Variants in TRPM6 observed in about 807,000 individuals in gnomAD.
TRPM6 encodes channel kinase 2.
In TRPM6, 111 loss-of-function variants were observed where a neutral mutation model predicts 247.6. The ratio of observed to expected loss-of-function variants is 0.45; its 90% confidence interval spans 0.38 to 0.52. The LOEUF is 0.52. Among genes scored for constraint, TRPM6 ranks in the 20% least tolerant of loss-of-function variants. TRPM6 has a pLI of 0.00. For missense variants in TRPM6, 2,126 were observed against 2,421.5 expected, an observed-to-expected ratio of 0.88 and a Z score of 2.56; for synonymous variants, 892 against 853.8, an observed-to-expected ratio of 1.04 and a Z score of -0.78.
intron 17 of TRPM6, 104 bp downstream of exon 17, chr9:74,800,150 A>T: frequency 9.4e-7 from 1 of 1,059,616 alleles, no homozygotes; most frequent in Non-Finnish European, 1.4e-6. Flanking sequence ...AAATATATTA[A>T]CTGGTTTTCC....
intron 6 of TRPM6, 106 bp from the exon 7 acceptor site, chr9:74,828,055 T>A: frequency 8.1e-7 from 1 of 1,227,370 alleles, no homozygotes; most frequent in Non-Finnish European, 1.2e-6. Context: ...CTGTCTAGTT[T>A]AAAAAGTACT....
At chr9:74,865,353 C>T (rs1034008341) in intron 1 of TRPM6, among the ~76,000 whole-genome samples, 4 of 152,168 alleles carry the variant, frequency 2.6e-5, no homozygotes, top group Non-Finnish European at 4.4e-5. Context: ...TTGTCACTCA[C>T]GCTTCAGGGT....
intron 1 of TRPM6, among the ~76,000 whole-genome samples, chr9:74,871,634 A>C (rs1040849352): frequency 1.3e-5 from 2 of 152,178 alleles, no homozygotes; most frequent in African/African-American, 2.4e-5. Flanking sequence ...ACCTGCAAGT[A>C]AAATTTCTAA....
chr9:74,841,290 C>T (rs1363587105), intron 4 of TRPM6, among the ~76,000 whole-genome samples: 2 of 152,130 alleles, frequency 1.3e-5, no homozygotes, highest in Non-Finnish European at 2.9e-5. Flanking sequence ...GCAGATCACT[C>T]AAAGGATATT....
chr9:74,762,440 C>T lies in TRPM6; in HGVS notation c.4231G>A (p.Ala1411Thr). 1.2e-6 allele frequency: 2 copies of T among 1,614,154 alleles called. No homozygotes were observed. Among genetic ancestry groups the T allele is most frequent in the South Asian group, 1.1e-5 (1 of 91,088 alleles). Residue 1411 changes from alanine to threonine, a missense_variant, in exon 26 of 39, where the codon GCT (alanine) becomes ACT (threonine). By Grantham distance (58) the Ala-to-Thr change is moderately conservative. Around this residue, in one of 3 missense-constraint regions of TRPM6, gnomAD observed 717 missense variants for 715.9 expected, o/e 1.00. Transcript: ENST00000360774. ...DEPKEKHEPI[A>T]HLLDGQDKAE... ...TTGTCTTGTCCATCCAGTAAGTGAG[C>T]AATAGGCTCGTGCTTTTCCTTGGGT...
chr9:74,878,098 A>T (rs1047377156), intron 1 of TRPM6, among the ~76,000 whole-genome samples: 3 of 152,044 alleles, frequency 2.0e-5, no homozygotes, highest in African/African-American at 7.2e-5. Context: ...GCTGGCACCC[A>T]CACGCACACC....
rs1027164656 is a variant in TRPM6, at chr9:74,816,951, T to C, written c.1148A>G (p.Asp383Gly). The change falls in exon 10 of 39, where the codon GAT (aspartate) becomes GGT (glycine). Residue 383 changes from aspartate to glycine, a missense_variant. Physicochemically the swap from Asp to Gly is moderately conservative, Grantham distance 94. This residue lies in a region of TRPM6 where 1,082 missense variants were observed against 1,307.9 expected (regional missense o/e 0.83). Transcript: ENST00000360774. ...MVHRDCITIF[D>G]ADSEEQQDLD... The stretch of plus-strand genomic sequence containing the variant: ...GTCTTGCTGCTCTTCAGAGTCAGCA[T>C]CAAATATGGTAATCTACAACAGTGA... The C allele has an allele frequency of 1.9e-6, 3 of 1,613,850 alleles. No homozygotes were observed. The highest frequency in any genetic ancestry group is 1.3e-5 in the African/African-American group (1 of 74,926).
chr9:74,812,364 T>G lies in TRPM6; in HGVS notation c.1378A>C (p.Ile460Leu), dbSNP rs1294518159. Residue 460 changes from isoleucine (I) to leucine (L), a missense_variant, in exon 12 of 39, where the codon ATA (isoleucine) becomes CTA (leucine). Physicochemically the swap from Ile to Leu is conservative, Grantham distance 5 (BLOSUM62 2). Transcript: ENST00000360774. ...MDRVDFVKLL[I>L]EYGVNLHRFL... ...CGATGGAGGTTCACTCCATATTCTA[T>G]TAAGAGCTTCACAAAATCCACCCGA... 6.2e-7 allele frequency: 1 copy of G among 1,614,054 alleles called. No individual in the cohort carries two copies. The highest frequency in any genetic ancestry group is 1.7e-5 in the Admixed American group (1 of 60,016).
chr9:74,802,762 A>G (rs1351251728), intron 15 of TRPM6, among the ~76,000 whole-genome samples: 1 of 152,140 alleles, frequency 6.6e-6, no homozygotes, highest in Non-Finnish European at 1.5e-5. Flanking sequence ...CTTTATTCTG[A>G]TTATATTTAT....
chr9:74,783,492 T>C (rs1265049390), intron 21 of TRPM6, among the ~76,000 whole-genome samples: 1 of 152,194 alleles, frequency 6.6e-6, no homozygotes, highest in Non-Finnish European at 1.5e-5. Flanking sequence ...CCAGAGCAGT[T>C]AAAAGCCATT....
chr9:74,837,397 T>C (rs1033772531), intron 5 of TRPM6, among the ~76,000 whole-genome samples: 1 of 152,174 alleles, frequency 6.6e-6, no homozygotes, highest in East Asian at 1.9e-4. Flanking sequence ...AGCCAGGCCA[T>C]AGAGGAGCTG....
At chr9:74,827,664 A>C (rs1829388189) in intron 7 of TRPM6, 114 bp downstream of exon 7, 1 of 1,097,352 alleles carries the variant, frequency 9.1e-7, no homozygotes, top group Non-Finnish European at 1.4e-6. Context: ...GAAGAGTATT[A>C]AGGAGGCTAG....
intron 7 of TRPM6, among the ~76,000 whole-genome samples, chr9:74,824,706 A>C (rs1239579535): frequency 6.6e-6 from 1 of 152,130 alleles, no homozygotes; most frequent in Non-Finnish European, 1.5e-5. Context: ...CAGACATTCC[A>C]GGAAAGAGCA....
chr9:74,771,052 A>G (rs1325893375), intron 25 of TRPM6, among the ~76,000 whole-genome samples: 1 of 151,956 alleles, frequency 6.6e-6, no homozygotes, highest in Non-Finnish European at 1.5e-5. Context: ...AGCACCCTCC[A>G]TCTACCTCCT....
At chr9:74,801,776 G>A in intron 16 of TRPM6, 122 bp downstream of exon 16, 1 of 1,217,002 alleles carries the variant, frequency 8.2e-7, no homozygotes, top group Non-Finnish European at 1.2e-6. Flanking sequence ...TAACAGGAGA[G>A]TCCATAAAAT....
At position 74,827,965 on chromosome 9, in the gene TRPM6, G is replaced by A; in HGVS notation, c.670-16C>T. 6.2e-7 allele frequency: 1 copy of A among 1,613,476 alleles called. No homozygotes were observed. Among genetic ancestry groups the A allele is most frequent in the Non-Finnish European group, 8.5e-7 (1 of 1,179,520 alleles). ...GGCACACCACCTGAGAGACAGCAAG[G>A]ACAAGGGAGGGTCAGAGCTCTAGAT... On this transcript the variant is annotated splice_polypyrimidine_tract_variant and intron_variant, in intron 6 of 38. Coordinates refer to ENST00000360774, the MANE Select transcript of TRPM6 (RefSeq NM_017662.5).
rs753487996 is a variant in TRPM6 at position 74,800,493 on chromosome 9, G to T, written c.2010-11C>A. The T allele has an allele frequency of 3.7e-6, 6 of 1,607,240 alleles. No homozygotes were observed. Among genetic ancestry groups the T allele is most frequent in the African/African-American group, 1.3e-5 (1 of 74,664 alleles). On this transcript the variant is annotated splice_polypyrimidine_tract_variant and intron_variant, in intron 16 of 38. Coordinates refer to ENST00000360774, the MANE Select transcript of TRPM6 (RefSeq NM_017662.5). ...AGCTGGCCAAACTGTCTGCCATGAG[G>T]GTGGCCAATTAAGAAAACAAAGGCA...
intron 25 of TRPM6, among the ~76,000 whole-genome samples, chr9:74,771,421 G>GCA (rs200476734): frequency 2.2e-4 from 33 of 150,860 alleles, no homozygotes; most frequent in East Asian, 3.8e-4. Context: ...ACACACATGC[G>GCA]CACACACACA....
Position 74,842,207 on chromosome 9 carries a change from T to A in TRPM6, c.289A>T (p.Thr97Ser). The A allele has an allele frequency of 1.2e-6, 2 of 1,614,178 alleles. No individual in the cohort carries two copies. The highest frequency in any genetic ancestry group is 1.7e-6 in the Non-Finnish European group (2 of 1,180,036). ...TTKSPTDTFG[T>S]INFQDGEHTH... The stretch of plus-strand genomic sequence containing the variant: ...TGCTCTCCATCTTGGAAATTAATCG[T>A]GCCAAAAGTATCTGTTGGGCTTTTC... The change falls in exon 4 of 39, where the codon ACG (threonine) becomes TCG (serine). Residue 97 changes from threonine (T) to serine (S), a missense_variant. Thr to Ser is a moderately conservative substitution (Grantham distance 58). This residue lies in a region of TRPM6 where 1,082 missense variants were observed against 1,307.9 expected (regional missense o/e 0.83). Coordinates refer to ENST00000360774, the MANE Select transcript of TRPM6 (RefSeq NM_017662.5).
Sources: allele counts gnomAD v4.1 joint callset (sites outside exome capture counted in the v4.1 genomes callset), GRCh38; gene constraint gnomAD v4.1.1; regional missense constraint gnomAD v4.1.1; transcripts MANE v1.5; gene names NCBI Gene and HGNC (gene_info 2026-07-23, HGNC 2026-07-21).